Variants in PDE4D observed in about 807,000 individuals in gnomAD.
PDE4D encodes 3',5'-cyclic-AMP phosphodiesterase 4D.
Under a neutral mutation model 87.4 loss-of-function variants are expected in PDE4D, and 24 were observed. That is an observed-to-expected ratio of 0.27 (90% confidence interval 0.20 to 0.39). The LOEUF (loss-of-function observed/expected upper bound fraction) is 0.39, where lower values mean the gene tolerates loss of function less well. Among genes scored for constraint, PDE4D ranks in the 10% least tolerant of loss-of-function variants. The pLI is 1.00. For missense variants in PDE4D, 714 were observed against 1,041.0 expected (o/e 0.69, Z 4.32); for synonymous variants, 384 against 383.2 (o/e 1.00, Z -0.02).
chr5:60,176,356 T>C (rs1048881711), intron 2 of PDE4D, among the ~76,000 whole-genome samples: 4 of 152,184 alleles, frequency 2.6e-5, no homozygotes, highest in African/African-American at 9.7e-5. Context: ...TGCTTTTTTT[T>C]AAATTAATGA....
chr5:60,126,049 G>A (rs779993764), intron 2 of PDE4D, among the ~76,000 whole-genome samples: 13 of 152,214 alleles, frequency 8.5e-5, no homozygotes, highest in South Asian at 2.1e-4. Flanking sequence ...TTAAAAGGGC[G>A]TTTGACTATG....
intron 2 of PDE4D, among the ~76,000 whole-genome samples, chr5:59,997,698 T>C (rs1279095670): frequency 6.6e-6 from 1 of 152,140 alleles, no homozygotes; most frequent in Non-Finnish European, 1.5e-5. Context: ...AAACTATGGA[T>C]CAAAAGAATG....
At chr5:58,991,720 A>G in intron 8 of PDE4D, 112 bp downstream of exon 8, 6 of 599,402 alleles carry the variant, frequency 1.0e-5, no homozygotes, top group Non-Finnish European at 1.1e-5. Flanking sequence ...AAAAAAGAAA[A>G]AAAAAAAACC....
intron 3 of PDE4D, chr5:59,986,624 G>A (rs1165614143): frequency 6.6e-6 from 1 of 152,126 alleles, no homozygotes; most frequent in Non-Finnish European, 1.5e-5. Flanking sequence ...CAGTTAATCA[G>A]GACTGTGTCA....
intron 1 of PDE4D, among the ~76,000 whole-genome samples, chr5:60,379,800 A>G (rs1469886225): frequency 2.0e-5 from 3 of 152,116 alleles, no homozygotes; most frequent in African/African-American, 7.2e-5. Context: ...CAAAGCATGG[A>G]CTGGGTTTCA....
intron 1 of PDE4D, among the ~76,000 whole-genome samples, chr5:60,190,258 T>C (rs1326129290): frequency 1.3e-5 from 2 of 152,242 alleles, no homozygotes; most frequent in Non-Finnish European, 2.9e-5. Flanking sequence ...GGTTGAATTA[T>C]TGCCTTGGGC....
At position 58,990,788 on chromosome 5, in the gene PDE4D, A is replaced by G. The variant is rs1340428801; in HGVS notation, c.1287+16T>C. 5.3e-6 allele frequency: 7 copies of G among 1,330,798 alleles called. No individual in the cohort carries two copies. The highest frequency in any genetic ancestry group is 5.3e-6 in the Non-Finnish European group (5 of 937,250). The allele number at this position is 1,330,798 out of a possible 1,614,324, so 82.4% of individuals were successfully genotyped here. A position where few individuals can be genotyped will look rare whatever the true frequency, so the allele number is the denominator to read the frequency against. ...TTCCTAAATAAAATAAATGTAATAGAACTCAACCACCTTACCTGAAAAATG... is the reference window on the plus strand; with the variant it reads ...TTCCTAAATAAAATAAATGTAATAGGACTCAACCACCTTACCTGAAAAATG... On this transcript the variant is annotated intron_variant, in intron 9 of 14. Coordinates refer to ENST00000340635, the MANE Select transcript of PDE4D (RefSeq NM_001104631.2).
At chr5:59,866,710 G>C (rs1424290404) in intron 1 of PDE4D, among the ~76,000 whole-genome samples, 1 of 152,152 alleles carries the variant, frequency 6.6e-6, no homozygotes, top group Non-Finnish European at 1.5e-5. Flanking sequence ...TCTGGTATCA[G>C]TAATATTCTG....
At chr5:59,254,091 C>G (rs561989929) in intron 1 of PDE4D, among the ~76,000 whole-genome samples, 1 of 152,090 alleles carries the variant, frequency 6.6e-6, no homozygotes, top group South Asian at 2.1e-4. Flanking sequence ...AAGATGAGAA[C>G]AAACACAAAG....
At chr5:60,492,747 T>G (rs1027387983), upstream of PDE4D, among the ~76,000 whole-genome samples, 1 of 151,980 alleles carries the variant, frequency 6.6e-6, no homozygotes. Context: ...TGTCAGTGGG[T>G]AGGGGGCTGA....
chr5:59,847,445 A>G, intron 1 of PDE4D, among the ~76,000 whole-genome samples: 1 of 152,034 alleles, frequency 6.6e-6, no homozygotes, highest in Non-Finnish European at 1.5e-5. Context: ...GCTAAGTGTG[A>G]GGTGTACGGG....
At chr5:59,098,913 T>G (rs1233142978) in intron 5 of PDE4D, among the ~76,000 whole-genome samples, 3 of 151,918 alleles carry the variant, frequency 2.0e-5, no homozygotes, top group Non-Finnish European at 4.4e-5. Flanking sequence ...CAGCACCAAA[T>G]CACTACTACA....
At chr5:60,322,385 C>T (rs182720478) in intron 1 of PDE4D, among the ~76,000 whole-genome samples, 461 of 140,026 alleles carry the variant, frequency 3.3e-3, no homozygotes, top group Non-Finnish European at 4.5e-3. Context: ...CACACACACA[C>T]ACACACACAC....
chr5:59,944,033 C>A (rs1390498909), intron 3 of PDE4D, among the ~76,000 whole-genome samples: 2 of 152,194 alleles, frequency 1.3e-5, no homozygotes, highest in Non-Finnish European at 2.9e-5. Context: ...CTTTTACAAC[C>A]TATACCCATG....
At chr5:60,448,698 G>A (rs1187268316) in intron 1 of PDE4D, 4 of 152,146 alleles carry the variant, frequency 2.6e-5, no homozygotes, top group Non-Finnish European at 4.4e-5. Flanking sequence ...AGAATGGGAT[G>A]AAGGAAAATG....
At chr5:60,063,571 G>C (rs184281976) in intron 2 of PDE4D, among the ~76,000 whole-genome samples, 199 of 152,218 alleles carry the variant, frequency 1.3e-3, no homozygotes, top group African/African-American at 4.5e-3. Flanking sequence ...GTTTGAAAGA[G>C]ATGGAGATTG....
At chr5:59,497,308 A>G (rs974662865) in intron 1 of PDE4D, among the ~76,000 whole-genome samples, 1 of 152,134 alleles carries the variant, frequency 6.6e-6, no homozygotes, top group Non-Finnish European at 1.5e-5. Context: ...CCTCCAGAGA[A>G]TCTCACTAGC....
intron 1 of PDE4D, among the ~76,000 whole-genome samples, chr5:59,887,828 A>C (rs1750390329): frequency 6.6e-6 from 1 of 152,174 alleles, no homozygotes; most frequent in African/African-American, 2.4e-5. Flanking sequence ...CAATATTTGA[A>C]TATTCCACTT....
intron 2 of PDE4D, among the ~76,000 whole-genome samples, chr5:60,068,218 G>A (rs905104267): frequency 5.3e-5 from 8 of 151,998 alleles, no homozygotes; most frequent in South Asian, 4.1e-4. Flanking sequence ...GTACATCCTC[G>A]TCAACACTTG....
Sources: allele counts gnomAD v4.1 joint callset (sites outside exome capture counted in the v4.1 genomes callset), GRCh38; gene constraint gnomAD v4.1.1; transcripts MANE v1.5; gene names NCBI Gene and HGNC (gene_info 2026-07-23, HGNC 2026-07-21).